Variants in PARP12 observed in about 807,000 individuals in gnomAD.
PARP12 encodes poly(ADP-ribose) polymerase family member 12.
A neutral mutation model predicts 72.4 loss-of-function variants in PARP12; 59 were observed. The ratio of observed to expected loss-of-function variants is 0.81; its 90% CI spans 0.66 to 1.01. The LOEUF (loss-of-function observed/expected upper bound fraction) is 1.01, where lower values mean the gene tolerates loss of function less well. PARP12 is among the 50% of genes least tolerant of loss of function. The pLI is 0.00. For synonymous variants in PARP12, 403 were observed against 371.4 expected (o/e 1.09, Z -0.98); for missense variants, 851 against 914.0 (o/e 0.93, Z 0.89).
intron 3 of PARP12, among the ~76,000 whole-genome samples, chr7:140,055,918 GT>G (rs1817159062): frequency 1.3e-5 from 2 of 152,236 alleles, no homozygotes; most frequent in Admixed American, 1.3e-4. Context: ...ATTCTAGGAA[GT>G]GCTCTATTAA....
At chr7:140,030,570 C>T (rs1475232974) in intron 8 of PARP12, among the ~76,000 whole-genome samples, 2 of 152,232 alleles carry the variant, frequency 1.3e-5, no homozygotes, top group African/African-American at 4.8e-5. Context: ...TGCACTCTGG[C>T]CTGGGCGACA....
intron 5 of PARP12, among the ~76,000 whole-genome samples, chr7:140,046,093 A>G (rs6954189): frequency 0.1 from 15,773 of 152,220 alleles, 1,534 homozygotes; most frequent in African/African-American, 0.26. Flanking sequence ...AACTCACTGA[A>G]CTGTATGCTT....
intron 11 of PARP12, among the ~76,000 whole-genome samples, 173 bp downstream of exon 11, chr7:140,026,024 C>T (rs891705784): frequency 6.6e-5 from 10 of 152,252 alleles, no homozygotes; most frequent in Non-Finnish European, 1.5e-4. Flanking sequence ...CCTGACCATG[C>T]CCAGAGGAGC....
At chr7:140,058,765 A>G (rs1817305490) in intron 1 of PARP12, among the ~76,000 whole-genome samples, 1 of 152,270 alleles carries the variant, frequency 6.6e-6, no homozygotes, top group East Asian at 1.9e-4. Flanking sequence ...AATTTTTCAG[A>G]AACACTTCCT....
intron 4 of PARP12, among the ~76,000 whole-genome samples, chr7:140,054,168 T>C (rs1424904732): frequency 1.3e-5 from 2 of 152,160 alleles, no homozygotes; most frequent in African/African-American, 4.8e-5. Context: ...TTGCTGCTTC[T>C]GATAAAAAAG....
At chr7:140,061,640 C>T (rs1238630987) in intron 1 of PARP12, among the ~76,000 whole-genome samples, 2 of 152,146 alleles carry the variant, frequency 1.3e-5, no homozygotes, top group African/African-American at 4.8e-5. Context: ...TTTTACCCGC[C>T]CCATCACCTC....
At chr7:140,044,374 G>A (rs530654808) in intron 5 of PARP12, among the ~76,000 whole-genome samples, 19 of 152,240 alleles carry the variant, frequency 1.2e-4, no homozygotes, top group South Asian at 1.0e-3. Context: ...CTTTTAAGAC[G>A]AGGGAAATTT....
At chr7:140,032,635 A>C (rs1049282332) in intron 8 of PARP12, among the ~76,000 whole-genome samples, 4 of 152,230 alleles carry the variant, frequency 2.6e-5, no homozygotes, top group South Asian at 2.1e-4. Context: ...GGAAAGAAGA[A>C]ACGGATTGAG....
At chr7:140,046,335 A>C (rs1816721926) in intron 5 of PARP12, among the ~76,000 whole-genome samples, 1 of 152,228 alleles carries the variant, frequency 6.6e-6, no homozygotes, top group Non-Finnish European at 1.5e-5. Context: ...TATGTTAAGT[A>C]TCTGAAAAGA....
chr7:140,027,074 T>C (rs572575331), intron 10 of PARP12, among the ~76,000 whole-genome samples: 1 of 152,240 alleles, frequency 6.6e-6, no homozygotes, highest in East Asian at 1.9e-4. Flanking sequence ...CCAGGAAGCC[T>C]CGGTGCCCTC....
At chr7:140,042,348 C>T (rs537326493) in intron 5 of PARP12, among the ~76,000 whole-genome samples, 75 of 152,340 alleles carry the variant, frequency 4.9e-4, no homozygotes, top group African/African-American at 1.2e-3. Flanking sequence ...AGTCAGCGGG[C>T]GAGCTGGGCT....
chr7:140,054,467 G>A (rs1817099717), intron 4 of PARP12, among the ~76,000 whole-genome samples, 195 bp downstream of exon 4: 1 of 152,184 alleles, frequency 6.6e-6, no homozygotes, highest in African/African-American at 2.4e-5. Context: ...TTTAATTTCT[G>A]AAAACTCAAA....
intron 9 of PARP12, among the ~76,000 whole-genome samples, chr7:140,027,880 A>G (rs1422418310): frequency 6.6e-6 from 1 of 152,052 alleles, no homozygotes; most frequent in Admixed American, 6.5e-5. Flanking sequence ...TCAAAGACAC[A>G]GGTTGGACTA....
intron 4 of PARP12, among the ~76,000 whole-genome samples, chr7:140,051,014 G>A (rs1816935399): frequency 6.6e-6 from 1 of 152,120 alleles, no homozygotes; most frequent in African/African-American, 2.4e-5. Flanking sequence ...AAATATTCAA[G>A]CAAATCTATA....
intron 10 of PARP12, among the ~76,000 whole-genome samples, chr7:140,026,651 C>T (rs548413641): frequency 1.3e-5 from 2 of 152,264 alleles, no homozygotes; most frequent in Admixed American, 6.5e-5. Flanking sequence ...CAACCCCACC[C>T]CCACCTTGCT....
At position 140,024,818 on chromosome 7, in the gene PARP12, C is replaced by A; in HGVS notation, c.1848G>T (p.Thr616=). 3 of 1,614,146 alleles carry A rather than the reference C, an allele frequency of 1.9e-6. No homozygotes were observed. Among genetic ancestry groups the A allele is most frequent in the Non-Finnish European group, 2.5e-6 (3 of 1,180,016 alleles). Residue 616 remains threonine, a synonymous_variant, in exon 12 of 12, where the codon ACG becomes ACT. Coordinates refer to ENST00000263549, the MANE Select transcript of PARP12 (RefSeq NM_022750.4). ...CCACCAGCACCCGGGCCAGGAACATCGTGTGGGTCTGCGTGTCGGATTTGC... is the reference window on the plus strand; with the variant it reads ...CCACCAGCACCCGGGCCAGGAACATAGTGTGGGTCTGCGTGTCGGATTTGC... ...HYSKSDTQTH[T]MFLARVLVGE... is the part of the protein sequence containing the mutation.
intron 6 of PARP12, 146 bp from the exon 7 acceptor site, chr7:140,038,002 A>C: frequency 6.9e-7 from 1 of 1,440,218 alleles, no homozygotes; most frequent in South Asian, 1.5e-5. Flanking sequence ...ATGGTATGGC[A>C]GGAGAGAGAG....
At chr7:140,061,469 A>C (rs1215190614) in intron 1 of PARP12, among the ~76,000 whole-genome samples, 1 of 152,106 alleles carries the variant, frequency 6.6e-6, no homozygotes, top group Non-Finnish European at 1.5e-5. Flanking sequence ...ACACACACAA[A>C]ACAGGGAGCA....
At chr7:140,035,096 A>G (rs1244423324) in intron 7 of PARP12, among the ~76,000 whole-genome samples, 1 of 152,176 alleles carries the variant, frequency 6.6e-6, no homozygotes, top group African/African-American at 2.4e-5. Context: ...CATTTACAAA[A>G]CATTTTAATA....
Sources: allele counts gnomAD v4.1 joint callset (sites outside exome capture counted in the v4.1 genomes callset), GRCh38; gene constraint gnomAD v4.1.1; transcripts MANE v1.5; gene names NCBI Gene and HGNC (gene_info 2026-07-23, HGNC 2026-07-21).